The following GPBP1 variants were observed in gnomAD, a reference collection of about 807,000 sequenced individuals.
GPBP1 encodes the protein GC-rich promoter binding protein 1.
Under a neutral mutation model 56.5 loss-of-function variants are expected in GPBP1, and 13 were observed. That is an observed-to-expected ratio of 0.23 (90% confidence interval 0.15 to 0.37). The LOEUF (loss-of-function observed/expected upper bound fraction) is 0.37, where lower values mean the gene tolerates loss of function less well. Ranked by LOEUF, GPBP1 falls within the 10% of genes least tolerant of loss-of-function variation. The pLI is 1.00. For missense variants in GPBP1, 477 were observed against 572.3 expected, an observed-to-expected ratio of 0.83 and a Z score of 1.70; for synonymous variants, 204 against 188.9, an observed-to-expected ratio of 1.08 and a Z score of -0.66.
At chr5:57,256,599 A>G (rs1741674492) in intron 10 of GPBP1, among the ~76,000 whole-genome samples, 1 of 152,166 alleles carries the variant, frequency 6.6e-6, no homozygotes, top group Non-Finnish European at 1.5e-5. Flanking sequence ...GCAAACAATA[A>G]GAACATTTTG....
At chr5:57,252,245 G>A (rs975937479) in intron 10 of GPBP1, among the ~76,000 whole-genome samples, 1 of 150,962 alleles carries the variant, frequency 6.6e-6, no homozygotes, top group Non-Finnish European at 1.5e-5. Flanking sequence ...CACCATGCAC[G>A]GCTTCAGTGG....
intron 2 of GPBP1, among the ~76,000 whole-genome samples, chr5:57,183,668 A>T (rs1204972820): frequency 6.6e-6 from 1 of 152,164 alleles, no homozygotes; most frequent in Non-Finnish European, 1.5e-5. Context: ...ATTACGATGA[A>T]AGTGTAGTAT....
intron 5 of GPBP1, among the ~76,000 whole-genome samples, chr5:57,235,630 A>T (rs556473211): frequency 6.6e-6 from 1 of 152,226 alleles, no homozygotes; most frequent in Non-Finnish European, 1.5e-5. Flanking sequence ...AGTAAGGTTT[A>T]TGAGTAATTC....
At position 57,208,191 on chromosome 5, in the gene GPBP1, T is replaced by C. The variant is rs568468998; in HGVS notation, c.-57-5883T>C. 4.6e-5 allele frequency among the ~76,000 whole-genome samples: 7 copies of C among 152,222 alleles called. No homozygotes were observed. In the East Asian group the frequency reaches 7.7e-4, roughly 17 times the overall value. ...TAGGGTCTTACTCTTTCTCAGGGGATTGGAGCCCTAGCCAGGGACCATGCC... is the reference window on the plus strand; with the variant it reads ...TAGGGTCTTACTCTTTCTCAGGGGACTGGAGCCCTAGCCAGGGACCATGCC... On this transcript the variant is annotated intron_variant, in intron 2 of 11. Coordinates refer to ENST00000506184, the MANE Select transcript of GPBP1 (RefSeq NM_022913.4).
intron 2 of GPBP1, among the ~76,000 whole-genome samples, chr5:57,206,805 G>T (rs1158237357): frequency 6.6e-6 from 1 of 152,136 alleles, no homozygotes; most frequent in African/African-American, 2.4e-5. Context: ...GGATATAAAT[G>T]TGTGGGCTTA....
At chr5:57,183,498 G>A (rs1175520683) in intron 2 of GPBP1, among the ~76,000 whole-genome samples, 4 of 152,098 alleles carry the variant, frequency 2.6e-5, no homozygotes, top group African/African-American at 9.7e-5. Context: ...TTAGAAATTA[G>A]CCCAGGTCAG....
At chr5:57,192,705 A>G (rs1310282201) in intron 2 of GPBP1, among the ~76,000 whole-genome samples, 1 of 148,210 alleles carries the variant, frequency 6.7e-6, no homozygotes, top group Non-Finnish European at 1.5e-5. Context: ...GTGAGCTGCG[A>G]TCACGCCATT....
intron 2 of GPBP1, among the ~76,000 whole-genome samples, chr5:57,200,595 C>T (rs917518084): frequency 6.6e-6 from 1 of 151,960 alleles, no homozygotes; most frequent in Non-Finnish European, 1.5e-5. Context: ...CCTCGACCTC[C>T]TGACCTTGTG....
At chr5:57,251,659 T>C (rs939004987) in intron 10 of GPBP1, among the ~76,000 whole-genome samples, 1 of 151,966 alleles carries the variant, frequency 6.6e-6, no homozygotes, top group East Asian at 1.9e-4. Context: ...CATTCATATA[T>C]AAGTTCTTGT....
chr5:57,261,867 G>A (rs1463991523), intron 11 of GPBP1, among the ~76,000 whole-genome samples: 1 of 152,076 alleles, frequency 6.6e-6, no homozygotes, highest in Non-Finnish European at 1.5e-5. Context: ...AAGTTGAGAT[G>A]CTTTTTTTCA....
rs546897924 is a variant in GPBP1 at position 57,197,082 on chromosome 5, G to A, written c.-57-16992G>A. On this transcript the variant is annotated intron_variant, in intron 2 of 11. Coordinates refer to ENST00000506184, the MANE Select transcript of GPBP1 (RefSeq NM_022913.4). ...AGGCGTGAGCCACCACGCCCGACCTGTTTTGAATTTTAGTAGAGACAGCGT... is the reference window on the plus strand; with the variant it reads ...AGGCGTGAGCCACCACGCCCGACCTATTTTGAATTTTAGTAGAGACAGCGT... Among the ~76,000 whole-genome samples, 42 of 151,716 alleles carry A rather than the reference G, an allele frequency of 2.8e-4. 1 individual carries two copies. The highest frequency in any genetic ancestry group is 3.2e-3 in the Middle Eastern group (1 of 308).
rs543005934 is a variant in GPBP1, at chr5:57,229,230, CAAAAAAA to C, written c.64-1585_64-1579del. ...TGGGCGACAGAACAAGACTCCATCT[CAAAAAAA>C]AAAAAAAAAAAAAAAAAAAAAAAAA... On this transcript the variant is annotated intron_variant, in intron 3 of 11. Coordinates refer to ENST00000506184, the MANE Select transcript of GPBP1 (RefSeq NM_022913.4). 9.8e-4 allele frequency among the ~76,000 whole-genome samples: 76 copies of C among 77,412 alleles called. 3 individuals are homozygous for C. The highest frequency in any genetic ancestry group is 3.3e-3 in the African/African-American group (65 of 19,862). 50.8% of individuals were successfully genotyped at this position (77,412 alleles called of 152,430 possible).
At chr5:57,208,309 C>T (rs1030397132) in intron 2 of GPBP1, among the ~76,000 whole-genome samples, 1 of 152,110 alleles carries the variant, frequency 6.6e-6, no homozygotes, top group Non-Finnish European at 1.5e-5. Context: ...TCTTGGCTCA[C>T]TGCAACCTCC....
At chr5:57,204,200 A>G (rs1346914347) in intron 2 of GPBP1, among the ~76,000 whole-genome samples, 1 of 152,200 alleles carries the variant, frequency 6.6e-6, no homozygotes, top group African/African-American at 2.4e-5. Context: ...TTTAAAAGTT[A>G]AACACGTAAC....
chr5:57,217,845 C>G (rs917349309), intron 3 of GPBP1, among the ~76,000 whole-genome samples: 2 of 152,134 alleles, frequency 1.3e-5, no homozygotes, highest in Non-Finnish European at 2.9e-5. Context: ...TGGTGAAACC[C>G]TGCCTCTCTA....
At chr5:57,240,910 C>T (rs1265431382) in intron 6 of GPBP1, among the ~76,000 whole-genome samples, 1 of 151,760 alleles carries the variant, frequency 6.6e-6, no homozygotes, top group Non-Finnish European at 1.5e-5. Flanking sequence ...TGAAATCGCG[C>T]CATTGCACTC....
chr5:57,193,312 A>G (rs1754607643), intron 2 of GPBP1, among the ~76,000 whole-genome samples: 1 of 151,874 alleles, frequency 6.6e-6, no homozygotes, highest in African/African-American at 2.4e-5. Context: ...GTGAAACTCC[A>G]TCTCAAAAAG....
chr5:57,189,588 C>T (rs1186498907), intron 2 of GPBP1, among the ~76,000 whole-genome samples: 2 of 152,278 alleles, frequency 1.3e-5, no homozygotes. Context: ...ACTGTGGTAG[C>T]CTTTTAACTT....
rs549242410 is a variant in GPBP1 at position 57,215,933 on chromosome 5, G to A, written c.63+1740G>A. On this transcript the variant is annotated intron_variant, in intron 3 of 11. Coordinates refer to ENST00000506184, the MANE Select transcript of GPBP1 (RefSeq NM_022913.4). ...CATTGTTTCTGAGAGGGCTGTTAGTGTTTGAATAAAGTTATTTCCTTTGAG... is the reference window on the plus strand; with the variant it reads ...CATTGTTTCTGAGAGGGCTGTTAGTATTTGAATAAAGTTATTTCCTTTGAG... Among the ~76,000 whole-genome samples, 3 of 151,756 alleles carry A rather than the reference G, an allele frequency of 2.0e-5. No homozygotes were observed. In the South Asian group the frequency reaches 6.3e-4, roughly 32 times the overall value.
Sources: allele counts gnomAD v4.1 joint callset (sites outside exome capture counted in the v4.1 genomes callset), GRCh38; gene constraint gnomAD v4.1.1; transcripts MANE v1.5; gene names NCBI Gene and HGNC (gene_info 2026-07-23, HGNC 2026-07-21).